LTBP1: variants seen among roughly 807,000 people sequenced by gnomAD.
The protein encoded by LTBP1 is latent-transforming growth factor beta-binding protein 1.
In LTBP1, 129 loss-of-function variants were observed where a neutral mutation model predicts 207.6. That is an observed-to-expected ratio of 0.62 (90% CI 0.54 to 0.72). LTBP1 has a LOEUF of 0.72. Among genes scored for constraint, LTBP1 ranks in the 30% least tolerant of loss-of-function variants. LTBP1 has a pLI of 0.00. For missense variants in LTBP1, 2,281 were observed against 2,217.2 expected (o/e 1.03, Z -0.58); for synonymous variants, 963 against 833.7 (o/e 1.16, Z -2.67).
intron 24 of LTBP1, among the ~76,000 whole-genome samples, chr2:33,318,204 C>G (rs148697002): frequency 2.5e-4 from 38 of 152,254 alleles, no homozygotes; most frequent in Admixed American, 5.9e-4. Flanking sequence ...AAGGGATACT[C>G]AACCTGTATA....
At chr2:32,970,450 G>T (rs1319356599) in intron 2 of LTBP1, among the ~76,000 whole-genome samples, 1 of 152,138 alleles carries the variant, frequency 6.6e-6, no homozygotes, top group Non-Finnish European at 1.5e-5. Context: ...GTGTAAGGAA[G>T]GGGTTCAGTT....
At chr2:33,146,586 G>C (rs1169393867) in intron 5 of LTBP1, among the ~76,000 whole-genome samples, 1 of 152,274 alleles carries the variant, frequency 6.6e-6, no homozygotes, top group East Asian at 1.9e-4. Context: ...AACTACCTGA[G>C]ACTGGGTAGG....
intron 5 of LTBP1, among the ~76,000 whole-genome samples, chr2:33,179,621 A>G (rs2086417958): frequency 1.3e-5 from 2 of 150,796 alleles, no homozygotes; most frequent in South Asian, 4.1e-4. Context: ...CTTCATAATG[A>G]TTATATATTT....
chr2:32,998,598 A>G (rs1685655495), intron 2 of LTBP1, among the ~76,000 whole-genome samples: 1 of 149,582 alleles, frequency 6.7e-6, no homozygotes, highest in African/African-American at 2.5e-5. Context: ...ACTGAATGTT[A>G]TGAACTGCAA....
At chr2:33,204,362 T>C (rs1270866149) in intron 7 of LTBP1, among the ~76,000 whole-genome samples, 1 of 152,248 alleles carries the variant, frequency 6.6e-6, no homozygotes, top group Non-Finnish European at 1.5e-5. Context: ...GAACAAGATT[T>C]GCCACCGTTG....
chr2:33,174,643 T>C (rs1431872977), intron 5 of LTBP1, among the ~76,000 whole-genome samples: 2 of 152,026 alleles, frequency 1.3e-5, no homozygotes, highest in Non-Finnish European at 2.9e-5. Context: ...CTTCACAGAA[T>C]TGGAAAAAAC....
chr2:33,211,509 G>A (rs552312601), intron 7 of LTBP1, among the ~76,000 whole-genome samples: 8 of 152,268 alleles, frequency 5.3e-5, no homozygotes, highest in Non-Finnish European at 1.0e-4. Flanking sequence ...GGCTCAGAGA[G>A]GTTGGATGAT....
At chr2:33,274,904 A>T (rs2093395243) in intron 16 of LTBP1, 61 bp from the exon 17 acceptor site, 2 of 1,547,034 alleles carry the variant, frequency 1.3e-6, no homozygotes, top group Non-Finnish European at 1.8e-6. Flanking sequence ...ATTTTACAGA[A>T]CAGGGAAACT....
rs568428857 is a variant in LTBP1 at position 33,077,145 on chromosome 2, A to G, written c.864-33437A>G. Reference sequence around the variant, plus strand: ...GCCACACGGCTATGGAGAATGTTCCATATAAGCTTCACACACTGACAACCT... The same window carrying G: ...GCCACACGGCTATGGAGAATGTTCCGTATAAGCTTCACACACTGACAACCT... On this transcript the variant is annotated intron_variant, in intron 3 of 33. Coordinates refer to ENST00000404816, the MANE Select transcript of LTBP1 (RefSeq NM_206943.4). Among the ~76,000 whole-genome samples, 5 of 152,314 alleles carry G rather than the reference A, an allele frequency of 3.3e-5. No homozygotes were observed. The East Asian group carries it at 5.8e-4, about 18-fold the overall frequency.
chr2:33,208,955 C>T (rs2090092478), intron 7 of LTBP1, among the ~76,000 whole-genome samples: 1 of 150,818 alleles, frequency 6.6e-6, no homozygotes, highest in African/African-American at 2.4e-5. Flanking sequence ...GCAAGCTCCG[C>T]CTCCCAGGTT....
intron 5 of LTBP1, among the ~76,000 whole-genome samples, chr2:33,165,337 A>G (rs184485202): frequency 1.4e-4 from 21 of 152,350 alleles, no homozygotes; most frequent in Admixed American, 8.5e-4. Context: ...CGAGACGCTG[A>G]AGAGAGAGAA....
At chr2:33,270,946 A>G (rs150127963) in intron 15 of LTBP1, among the ~76,000 whole-genome samples, 122 of 152,334 alleles carry the variant, frequency 8.0e-4, no homozygotes, top group African/African-American at 2.9e-3. Flanking sequence ...TTGGTGGGAA[A>G]GGCCATTATT....
At chr2:33,003,008 G>A (rs1363232092) in intron 2 of LTBP1, among the ~76,000 whole-genome samples, 4 of 152,098 alleles carry the variant, frequency 2.6e-5, no homozygotes, top group East Asian at 1.9e-4. Context: ...CATCGCATTC[G>A]ATTTGGTCCT....
At chr2:33,048,421 G>A (rs540631965) in intron 3 of LTBP1, among the ~76,000 whole-genome samples, 2 of 152,312 alleles carry the variant, frequency 1.3e-5, no homozygotes, top group East Asian at 1.9e-4. Context: ...GACTGGATTA[G>A]AAGTGGTTAT....
At chr2:33,193,159 T>C (rs1460814264) in intron 7 of LTBP1, among the ~76,000 whole-genome samples, 1 of 152,130 alleles carries the variant, frequency 6.6e-6, no homozygotes, top group Non-Finnish European at 1.5e-5. Flanking sequence ...TTGTTTGTTT[T>C]GAGATGGAGT....
At chr2:33,064,213 C>G (rs1249033733) in intron 3 of LTBP1, among the ~76,000 whole-genome samples, 1 of 152,162 alleles carries the variant, frequency 6.6e-6, no homozygotes, top group Non-Finnish European at 1.5e-5. Context: ...ATTGAGTTTT[C>G]TGCTAATATA....
intron 23 of LTBP1, 74 bp downstream of exon 23, chr2:33,309,630 C>G: frequency 6.6e-7 from 1 of 1,525,104 alleles, no homozygotes. Context: ...AGATGATAGT[C>G]TGTGGTTTTG....
In LTBP1 at chr2:32,979,037, A is replaced by G. The variant is rs1452493217; in HGVS notation, c.565+30092A>G. ...AATCCTTTGAATTTCTGTGTTATCA[A>G]TTGTTATGTAGTTTTTTTCATCTTT... On this transcript the variant is annotated intron_variant, in intron 2 of 33. Transcript: ENST00000404816. 2.6e-5 allele frequency among the ~76,000 whole-genome samples: 4 copies of G among 151,668 alleles called. No individual in the cohort carries two copies. In the East Asian group the frequency reaches 7.7e-4, roughly 29 times the overall value.
intron 11 of LTBP1, among the ~76,000 whole-genome samples, chr2:33,254,585 T>C (rs945938054): frequency 1.3e-5 from 2 of 148,238 alleles, no homozygotes; most frequent in African/African-American, 4.9e-5. Flanking sequence ...TTTGTTGTTG[T>C]TTTTCTGGTT....
Sources: gnomAD v4.1 joint callset for allele counts (sites outside exome capture counted in the v4.1 genomes callset) on GRCh38, gnomAD v4.1.1 for gene constraint, MANE v1.5 for transcripts, NCBI Gene and HGNC (gene_info 2026-07-23, HGNC 2026-07-21) for gene names.